CCDC91: variants seen among roughly 807,000 people sequenced by gnomAD.
CCDC91 encodes the protein coiled-coil domain containing 91, also known as coiled-coil domain-containing protein 91.
CCDC91 carries 48 observed loss-of-function variants against 63.2 expected under a neutral mutation model. That is an observed-to-expected ratio of 0.76 (90% CI 0.60 to 0.97). The LOEUF is 0.97. Ranked by LOEUF, CCDC91 falls within the 50% of genes least tolerant of loss-of-function variation. CCDC91 has a pLI of 0.00. For synonymous variants in CCDC91, 167 were observed against 165.8 expected (o/e 1.01, Z -0.06); for missense variants, 500 against 494.6 (o/e 1.01, Z -0.10).
intron 3 of CCDC91, among the ~76,000 whole-genome samples, chr12:28,293,257 ATCT>A (rs1949355460): frequency 6.6e-6 from 1 of 152,206 alleles, no homozygotes; most frequent in Non-Finnish European, 1.5e-5. Context: ...ACTGAAAATA[ATCT>A]TCGTAGCTTA....
chr12:28,242,354 T>C (rs927782047), intron 1 of CCDC91, among the ~76,000 whole-genome samples: 2 of 152,196 alleles, frequency 1.3e-5, no homozygotes, highest in African/African-American at 4.8e-5. Flanking sequence ...AGTTTATTCT[T>C]AACAAGTTAG....
chr12:28,259,512 A>T, intron 3 of CCDC91, 70 bp downstream of exon 3: 3 of 967,978 alleles, frequency 3.1e-6, no homozygotes, highest in Admixed American at 4.1e-5. Flanking sequence ...AACTCTTTGA[A>T]ACCCTATTTC....
chr12:28,278,738 T>C (rs1948408255), intron 3 of CCDC91, among the ~76,000 whole-genome samples: 1 of 152,114 alleles, frequency 6.6e-6, no homozygotes, highest in African/African-American at 2.4e-5. Context: ...TAATATGCTG[T>C]TCTCTTTGCC....
intron 1 of CCDC91, among the ~76,000 whole-genome samples, chr12:28,229,714 G>C (rs1944472950): frequency 6.6e-6 from 1 of 152,162 alleles, no homozygotes; most frequent in Admixed American, 6.5e-5. Context: ...ACATCCCAGG[G>C]AAGGACTCTG....
intron 11 of CCDC91, among the ~76,000 whole-genome samples, chr12:28,463,657 C>T (rs1457846066): frequency 6.6e-6 from 1 of 152,136 alleles, no homozygotes; most frequent in Non-Finnish European, 1.5e-5. Flanking sequence ...AAACATGTCT[C>T]TAAGACTTGA....
intron 7 of CCDC91, 87 bp from the exon 8 acceptor site, chr12:28,391,217 A>G (rs988601249): frequency 4.4e-5 from 32 of 729,114 alleles, no homozygotes; most frequent in Non-Finnish European, 7.6e-5. Flanking sequence ...GTATTACAGT[A>G]TGTACAACTG....
chr12:28,341,427 G>T (rs1269534774), intron 6 of CCDC91, among the ~76,000 whole-genome samples: 2 of 152,014 alleles, frequency 1.3e-5, no homozygotes, highest in African/African-American at 4.8e-5. Flanking sequence ...AACTCTTCTG[G>T]CTCCCTGTTC....
chr12:28,199,232 A>C (rs1407422405), intron 1 of CCDC91, among the ~76,000 whole-genome samples: 1 of 152,076 alleles, frequency 6.6e-6, no homozygotes, highest in East Asian at 1.9e-4. Context: ...CTTTTACTAA[A>C]TATTTTTTGA....
At chr12:28,515,912 C>T (rs528984852) in intron 12 of CCDC91, among the ~76,000 whole-genome samples, 17 of 151,948 alleles carry the variant, frequency 1.1e-4, no homozygotes, top group Non-Finnish European at 2.2e-4. Context: ...ACTACTATCC[C>T]CTCAAAGGGA....
intron 8 of CCDC91, among the ~76,000 whole-genome samples, chr12:28,393,400 C>G (rs1946075423): frequency 6.7e-6 from 1 of 149,982 alleles, no homozygotes; most frequent in Admixed American, 6.6e-5. Flanking sequence ...TTTTACTAGC[C>G]TGCCTTTGTA....
At chr12:28,348,136 A>G (rs778006365) in intron 6 of CCDC91, among the ~76,000 whole-genome samples, 1 of 152,222 alleles carries the variant, frequency 6.6e-6, no homozygotes, top group Non-Finnish European at 1.5e-5. Flanking sequence ...ATGGTCAACT[A>G]TCCAAATTCA....
intron 6 of CCDC91, among the ~76,000 whole-genome samples, chr12:28,313,903 G>A (rs1447847826): frequency 6.6e-6 from 1 of 152,108 alleles, no homozygotes; most frequent in South Asian, 2.1e-4. Context: ...TTTGACTCCT[G>A]TAACAAGTGG....
chr12:28,358,640 TGGG>T (rs1275278920), intron 6 of CCDC91, among the ~76,000 whole-genome samples: 1 of 152,166 alleles, frequency 6.6e-6, no homozygotes, highest in African/African-American at 2.4e-5. Context: ...TCCAATATAG[TGGG>T]GGCACACAGG....
intron 12 of CCDC91, among the ~76,000 whole-genome samples, chr12:28,487,289 G>T (rs1456370681): frequency 6.6e-6 from 1 of 151,680 alleles, no homozygotes; most frequent in African/African-American, 2.4e-5. Context: ...CTATAAAAAA[G>T]TAAATAAATG....
At chr12:28,328,268 CAT>C (rs1941195015) in intron 6 of CCDC91, among the ~76,000 whole-genome samples, 1 of 152,090 alleles carries the variant, frequency 6.6e-6, no homozygotes, top group African/African-American at 2.4e-5. Context: ...GTGTGCTAAA[CAT>C]ATTGTATTTT....
At chr12:28,330,832 A>G (rs537559985) in intron 6 of CCDC91, among the ~76,000 whole-genome samples, 8 of 152,186 alleles carry the variant, frequency 5.3e-5, no homozygotes, top group African/African-American at 1.9e-4. Context: ...GCTTATAACA[A>G]TCCAGTGGGT....
rs574437619 is a variant in CCDC91, at chr12:28,327,827, A to G, written c.576+20078A>G. 3.9e-5 allele frequency among the ~76,000 whole-genome samples: 6 copies of G among 152,242 alleles called. No homozygotes were observed. In the East Asian group the frequency reaches 1.2e-3, roughly 30 times the overall value. ...ATTATAATGAAGTCTGAAGTTCTTC[A>G]GAGGCCAAGTGAGCTGCCATGTTGA... On this transcript the variant is annotated intron_variant, in intron 6 of 12. Transcript: ENST00000536442.
chr12:28,523,105 C>G (rs554799029), intron 12 of CCDC91, among the ~76,000 whole-genome samples: 84 of 152,242 alleles, frequency 5.5e-4, no homozygotes, highest in African/African-American at 1.9e-3. Flanking sequence ...TGGTGCAGAG[C>G]TGAATTCAAT....
At chr12:28,351,633 C>T (rs1203589954) in intron 6 of CCDC91, among the ~76,000 whole-genome samples, 1 of 151,898 alleles carries the variant, frequency 6.6e-6, no homozygotes, top group East Asian at 1.9e-4. Flanking sequence ...TGCCTCTGGG[C>T]CCTGGGCTTT....
Sources: gnomAD v4.1 joint callset for allele counts (sites outside exome capture counted in the v4.1 genomes callset) on GRCh38, gnomAD v4.1.1 for gene constraint, MANE v1.5 for transcripts, NCBI Gene and HGNC (gene_info 2026-07-23, HGNC 2026-07-21) for gene names.